The following NSD3 variants were observed in gnomAD, a reference collection of about 807,000 sequenced individuals.
NSD3 encodes histone-lysine N-methyltransferase NSD3.
A neutral mutation model predicts 160.8 loss-of-function variants in NSD3; 24 were observed. That is an observed-to-expected ratio of 0.15 (90% CI 0.11 to 0.21). NSD3 has a LOEUF of 0.21. Ranked by LOEUF, NSD3 falls within the 10% of genes least tolerant of loss-of-function variation. NSD3 has a pLI of 1.00. For synonymous variants in NSD3, 520 were observed against 600.0 expected (o/e 0.87, Z 1.95); for missense variants, 1,157 against 1,735.9 (o/e 0.67, Z 5.93).
rs1441126470 is a variant in NSD3 at position 38,274,073 on chromosome 8, T to A, written c.*1568A>T. On this transcript the variant is annotated 3_prime_UTR_variant, in exon 24 of 24. Transcript: ENST00000317025. ...AGAGCATCTACCCTCCCTACCTTCA[T>A]AAGGTTACTAGGTACTTGAGGGAAA... 6.6e-6 allele frequency: 1 copy of A among 152,188 alleles called. No homozygotes were observed. Among genetic ancestry groups the A allele is most frequent in the African/African-American group, 2.4e-5 (1 of 41,458 alleles). 9.4% of individuals were successfully genotyped at this position (152,188 alleles called of 1,614,324 possible).
chr8:38,315,415 C>G lies in NSD3; in HGVS notation c.2115+1G>C. The G allele has an allele frequency of 6.4e-7, 1 of 1,564,440 alleles. No homozygotes were observed. The highest frequency in any genetic ancestry group is 8.6e-7 in the Non-Finnish European group (1 of 1,162,206). On this transcript the variant is annotated splice_donor_variant, in intron 11 of 23. Transcript: ENST00000317025. LOFTEE classifies it high-confidence loss of function. ...AGCCATAGCACCAGTTACCTGCCTA[C>G]CTGACATACAGTGTCCTTCTTACTC...
intron 19 of NSD3, among the ~76,000 whole-genome samples, chr8:38,281,876 T>C (rs562010215): frequency 1.3e-5 from 2 of 152,358 alleles, no homozygotes; most frequent in African/African-American, 4.8e-5. Context: ...CTCTAGCCTT[T>C]GAAGCTATAT....
intron 12 of NSD3, among the ~76,000 whole-genome samples, chr8:38,308,112 T>C (rs1191221876): frequency 1.3e-5 from 2 of 152,214 alleles, no homozygotes; most frequent in African/African-American, 2.4e-5. Flanking sequence ...GCTAAAAATC[T>C]GAAGGAAAAA....
chr8:38,376,500 A>T lies in NSD3; in HGVS notation c.-45+5299T>A, dbSNP rs1811391032. 2.6e-5 allele frequency among the ~76,000 whole-genome samples: 4 copies of T among 150,948 alleles called. No individual in the cohort carries two copies. In the South Asian group the frequency reaches 8.4e-4, roughly 32 times the overall value. Reference sequence around the variant, plus strand: ...GCCCAGGCTGGAGTGCAATGGCGCGACCTCAGCTCACTGCAACCTCTGCCT... The same window carrying T: ...GCCCAGGCTGGAGTGCAATGGCGCGTCCTCAGCTCACTGCAACCTCTGCCT... On this transcript the variant is annotated intron_variant, in intron 1 of 23. Coordinates refer to ENST00000317025, the MANE Select transcript of NSD3 (RefSeq NM_023034.2).
Position 38,327,216 on chromosome 8 carries a change from A to AT in NSD3, c.1582-361dup, listed in dbSNP as rs572152629. Among the ~76,000 whole-genome samples, 329 of 145,742 alleles carry AT rather than the reference A, an allele frequency of 2.3e-3. 1 individual carries two copies. Among genetic ancestry groups the AT allele is most frequent in the African/African-American group, 6.5e-3 (260 of 39,878 alleles). ...AGATGCGTGCCACCACGCCCTGCTA[A>AT]TTTTTTTTTTTGTATTTTTAGTAGA... On this transcript the variant is annotated intron_variant, in intron 6 of 23. Transcript: ENST00000317025.
intron 11 of NSD3, among the ~76,000 whole-genome samples, 169 bp from the exon 12 acceptor site, chr8:38,314,942 A>C (rs1809622908): frequency 6.6e-6 from 1 of 152,238 alleles, no homozygotes; most frequent in African/African-American, 2.4e-5. Context: ...GAAGATGCTG[A>C]TATTGTTTGT....
intron 11 of NSD3, among the ~76,000 whole-genome samples, 172 bp from the exon 12 acceptor site, chr8:38,314,945 T>C (rs944113255): frequency 1.3e-5 from 2 of 152,236 alleles, no homozygotes; most frequent in African/African-American, 4.8e-5. Flanking sequence ...GATGCTGATA[T>C]TGTTTGTCCT....
At chr8:38,340,406 C>T (rs531470773) in intron 2 of NSD3, among the ~76,000 whole-genome samples, 1 of 152,302 alleles carries the variant, frequency 6.6e-6, no homozygotes, top group African/African-American at 2.4e-5. Flanking sequence ...GGCGCCATCT[C>T]GGCTCATTGC....
chr8:38,347,471 T>C, intron 2 of NSD3, 26 bp downstream of exon 2: 3 of 1,539,706 alleles, frequency 1.9e-6, no homozygotes, highest in South Asian at 2.6e-5. Flanking sequence ...TATAACAAAA[T>C]TTTTCAAAAC....
In NSD3 at chr8:38,281,495, G is replaced by A; in HGVS notation, c.3590C>T (p.Thr1197Ile). The A allele has an allele frequency of 6.5e-7, 1 of 1,535,322 alleles. No homozygotes were observed. The highest frequency in any genetic ancestry group is 8.8e-7 in the Non-Finnish European group (1 of 1,138,238). The change falls in exon 20 of 24, where the codon ACT becomes ATT. Residue 1197 changes from threonine to isoleucine, a missense_variant. Thr to Ile is a moderately conservative substitution (Grantham distance 89, BLOSUM62 -1). Coordinates refer to ENST00000317025, the MANE Select transcript of NSD3 (RefSeq NM_023034.2). ...GGTAACAGTTAACATATAAAAATTA[G>A]TTACACTGTTCTCGTGGGCTCGCTT... Reference protein sequence around the residue: ...RIKRAHENSVTNFYMLTVTKD... With the variant: ...RIKRAHENSVINFYMLTVTKD...
In NSD3 at chr8:38,382,004, C is replaced by CGGACG. The variant is rs969429478; in HGVS notation, c.-251_-250insCGTCC. The CGGACG allele has an allele frequency of 1.2e-4, 19 of 152,646 alleles. No individual in the cohort carries two copies. The highest frequency in any genetic ancestry group is 4.6e-4 in the African/African-American group (19 of 41,518). The allele number at this position is 152,646 out of a possible 1,614,324, so 9.5% of individuals were successfully genotyped here. On this transcript the variant is annotated 5_prime_UTR_variant, in exon 1 of 24. Transcript: ENST00000317025. This position sits in a 1 kb window ranked among gnomAD's most constrained non-coding sequence, Gnocchi z 4.2. ...TGGCGGCCGGCACTGAGGAGGGCCA[C>CGGACG]GGCCGGGCCGGGCCGGGCGTGCTGC...
chr8:38,283,254 C>T (rs1030754157), intron 19 of NSD3, among the ~76,000 whole-genome samples: 4 of 152,170 alleles, frequency 2.6e-5, no homozygotes, highest in African/African-American at 9.7e-5. Flanking sequence ...AACCTTTTCA[C>T]CTCAAAAGCA....
chr8:38,335,834 C>T (rs1364968760), intron 4 of NSD3: 1 of 152,208 alleles, frequency 6.6e-6, no homozygotes, highest in African/African-American at 2.4e-5. Flanking sequence ...AAAGTACCTA[C>T]TTCACTGTGT....
chr8:38,347,394 TCAGA>T (rs1487518681), intron 2 of NSD3, 99 bp downstream of exon 2: 36 of 1,249,058 alleles, frequency 2.9e-5, no homozygotes, highest in Non-Finnish European at 3.9e-5. Flanking sequence ...AAAGAAGTTA[TCAGA>T]CAGATTCATA....
At chr8:38,339,379 G>C (rs1016478234) in intron 2 of NSD3, among the ~76,000 whole-genome samples, 4 of 152,138 alleles carry the variant, frequency 2.6e-5, no homozygotes, top group Non-Finnish European at 5.9e-5. Flanking sequence ...AAAAAATATG[G>C]ATAAGTATGA....
intron 14 of NSD3, among the ~76,000 whole-genome samples, chr8:38,301,035 T>A (rs1809263763): frequency 3.3e-5 from 5 of 152,122 alleles, no homozygotes; most frequent in Admixed American, 3.3e-4. Context: ...CAGTGGCAGA[T>A]CACAGCTCAC....
At chr8:38,346,726 G>T (rs1056504505) in intron 2 of NSD3, among the ~76,000 whole-genome samples, 3 of 152,058 alleles carry the variant, frequency 2.0e-5, no homozygotes, top group African/African-American at 7.2e-5. Context: ...CCAAGGAAAA[G>T]ATGAATAGGT....
chr8:38,371,821 G>A (rs1360612964), intron 1 of NSD3, among the ~76,000 whole-genome samples: 1 of 152,128 alleles, frequency 6.6e-6, no homozygotes, highest in Non-Finnish European at 1.5e-5. Flanking sequence ...TACGCAAATA[G>A]ACCGTATTCA....
chr8:38,358,682 T>C (rs1474489213), intron 1 of NSD3, among the ~76,000 whole-genome samples: 1 of 152,190 alleles, frequency 6.6e-6, no homozygotes, highest in Non-Finnish European at 1.5e-5. Flanking sequence ...TATATTCATA[T>C]ACTAATTTCT....
Sources: gnomAD v4.1 joint callset for allele counts (sites outside exome capture counted in the v4.1 genomes callset) on GRCh38, gnomAD v4.1.1 for gene constraint, Gnocchi (gnomAD v3.1) non-coding constraint, MANE v1.5 for transcripts, NCBI Gene and HGNC (gene_info 2026-07-23, HGNC 2026-07-21) for gene names.